Variants in CTNNA3 observed in about 807,000 individuals in gnomAD.
CTNNA3 encodes the protein catenin alpha-3.
CTNNA3 carries 76 observed loss-of-function variants against 95.7 expected under a neutral mutation model. The ratio of observed to expected loss-of-function variants is 0.79; its 90% CI spans 0.66 to 0.96. The LOEUF (loss-of-function observed/expected upper bound fraction) is 0.96. Ranked by LOEUF, CTNNA3 falls within the 40% of genes least tolerant of loss-of-function variation. The probability of loss-of-function intolerance (pLI) is 0.00; values close to 1 mark genes in which losing one functional copy is unlikely to be tolerated. For missense variants in CTNNA3, 1,191 were observed against 1,089.8 expected (o/e 1.09, Z -1.31); for synonymous variants, 431 against 374.4 (o/e 1.15, Z -1.74).
At chr10:67,099,816 T>C (rs1312834632) in intron 7 of CTNNA3, 1 of 151,836 alleles carries the variant, frequency 6.6e-6, no homozygotes, top group South Asian at 2.1e-4. Flanking sequence ...AATCTTTATG[T>C]TTTCCATTTT....
intron 5 of CTNNA3, among the ~76,000 whole-genome samples, chr10:67,314,461 T>C (rs1840956466): frequency 6.6e-6 from 1 of 152,210 alleles, no homozygotes; most frequent in South Asian, 2.1e-4. Context: ...TTACATAGTT[T>C]ATTTTTTATT....
In CTNNA3 at chr10:67,186,373, C is replaced by A. The variant is rs996176572; in HGVS notation, c.844-5853G>T. ...GCTTCTGCTCTACAGGTTCATTCCTCAAACTATCTCAGCATTTGGAATTTT... is the reference window on the plus strand; with the variant it reads ...GCTTCTGCTCTACAGGTTCATTCCTAAAACTATCTCAGCATTTGGAATTTT... On this transcript the variant is annotated intron_variant, in intron 6 of 17. Transcript: ENST00000433211. Among the ~76,000 whole-genome samples the A allele has an allele frequency of 1.1e-4, 17 of 152,304 alleles. 1 individual carries two copies. The East Asian group carries it at 2.9e-3, about 26-fold the overall frequency.
chr10:66,687,101 A>G (rs1847325499), intron 9 of CTNNA3, among the ~76,000 whole-genome samples: 1 of 152,124 alleles, frequency 6.6e-6, no homozygotes, highest in African/African-American at 2.4e-5. Context: ...ATGAATATAG[A>G]ATTAAAAGAA....
chr10:67,748,720 A>G lies in CTNNA3; in HGVS notation c.-2+14714T>C, dbSNP rs570335257. On this transcript the variant is annotated intron_variant, in intron 1 of 17. Transcript: ENST00000684154. ...CTAGTCTGCAAAATAAGCAGCTAGC[A>G]TCATTATTACACGATCAAATTCACA... is the stretch of plus-strand genomic sequence containing the variant. Among the ~76,000 whole-genome samples the G allele has an allele frequency of 1.2e-4, 19 of 152,338 alleles. 1 individual carries two copies. The South Asian group carries it at 3.9e-3, about 32-fold the overall frequency.
At chr10:67,628,985 T>C (rs1839049658) in intron 2 of CTNNA3, among the ~76,000 whole-genome samples, 2 of 151,976 alleles carry the variant, frequency 1.3e-5, no homozygotes, top group African/African-American at 2.4e-5. Flanking sequence ...ATCAATGAAC[T>C]GTGTAAAAAT....
chr10:67,157,171 T>C (rs1315879704), intron 7 of CTNNA3, among the ~76,000 whole-genome samples: 1 of 152,110 alleles, frequency 6.6e-6, no homozygotes, highest in Non-Finnish European at 1.5e-5. Flanking sequence ...TCTCTGAAGA[T>C]GACATAATCT....
intron 11 of CTNNA3, among the ~76,000 whole-genome samples, chr10:66,453,439 T>G (rs976782366): frequency 5.3e-5 from 8 of 152,174 alleles, no homozygotes; most frequent in African/African-American, 1.9e-4. Flanking sequence ...CAGAACCAGG[T>G]AACTAAAGCC....
intron 7 of CTNNA3, among the ~76,000 whole-genome samples, chr10:67,055,629 T>C (rs1463489704): frequency 6.6e-6 from 1 of 152,158 alleles, no homozygotes; most frequent in East Asian, 1.9e-4. Context: ...AGGCAGACAA[T>C]GCTTCAGAAA....
chr10:67,558,630 G>C (rs1841346736), intron 3 of CTNNA3, among the ~76,000 whole-genome samples: 2 of 152,242 alleles, frequency 1.3e-5, no homozygotes, highest in Admixed American at 6.5e-5. Flanking sequence ...GTGCCAGACA[G>C]TGGGCACAGG....
At chr10:66,458,625 C>T (rs2093509635) in intron 11 of CTNNA3, among the ~76,000 whole-genome samples, 1 of 152,140 alleles carries the variant, frequency 6.6e-6, no homozygotes, top group South Asian at 2.1e-4. Flanking sequence ...ATTCTATTTT[C>T]TGCCTCTACG....
chr10:66,928,420 AC>A, intron 7 of CTNNA3: 1 of 1,611,276 alleles, frequency 6.2e-7, no homozygotes, highest in Non-Finnish European at 8.5e-7. Context: ...GGGACCCTGC[AC>A]CTATAACAAA....
At chr10:66,163,807 T>C (rs573423695) in intron 13 of CTNNA3, among the ~76,000 whole-genome samples, 2 of 152,330 alleles carry the variant, frequency 1.3e-5, no homozygotes, top group South Asian at 4.1e-4. Flanking sequence ...GCCTCTTTCA[T>C]CTTCAATGTT....
At chr10:66,449,469 A>C (rs890239994) in intron 11 of CTNNA3, among the ~76,000 whole-genome samples, 15 of 152,138 alleles carry the variant, frequency 9.9e-5, no homozygotes, top group African/African-American at 3.6e-4. Flanking sequence ...TTTGTTTTCC[A>C]ATTGTTTGAT....
At chr10:67,645,415 G>A (rs1372912738) in intron 2 of CTNNA3, among the ~76,000 whole-genome samples, 1 of 152,128 alleles carries the variant, frequency 6.6e-6, no homozygotes, top group African/African-American at 2.4e-5. Context: ...CAACTGTAAT[G>A]TTCCATTGTT....
chr10:67,677,458 C>T (rs1375860510), intron 1 of CTNNA3, among the ~76,000 whole-genome samples: 1 of 152,116 alleles, frequency 6.6e-6, no homozygotes, highest in Non-Finnish European at 1.5e-5. Context: ...TTTACCTTAT[C>T]TACTTCATGA....
intron 4 of CTNNA3, among the ~76,000 whole-genome samples, 157 bp downstream of exon 4, chr10:67,539,346 A>G (rs1364228625): frequency 2.0e-5 from 3 of 152,144 alleles, no homozygotes; most frequent in Non-Finnish European, 4.4e-5. Context: ...ATTTTGAGGT[A>G]TACATTAGTC....
chr10:66,967,327 T>C (rs1034900685), intron 7 of CTNNA3, among the ~76,000 whole-genome samples: 4 of 144,388 alleles, frequency 2.8e-5, no homozygotes, highest in African/African-American at 5.0e-5. Context: ...TAGATATGGA[T>C]ATAGACATAT....
intron 7 of CTNNA3, among the ~76,000 whole-genome samples, chr10:66,811,042 A>G (rs143170017): frequency 1.2e-4 from 18 of 152,318 alleles, no homozygotes; most frequent in African/African-American, 4.3e-4. Flanking sequence ...GCAAATTGAA[A>G]TTATCAATGT....
chr10:66,759,461 G>T (rs183743871), intron 9 of CTNNA3, among the ~76,000 whole-genome samples: 2 of 152,240 alleles, frequency 1.3e-5, no homozygotes, highest in African/African-American at 4.8e-5. Context: ...GATTTTCTAT[G>T]GGGTTAATAG....
Sources: gnomAD v4.1 joint callset for allele counts (sites outside exome capture counted in the v4.1 genomes callset) on GRCh38, gnomAD v4.1.1 for gene constraint, MANE v1.5 for transcripts, NCBI Gene and HGNC (gene_info 2026-07-23, HGNC 2026-07-21) for gene names.